The following NCOA1 variants were observed in gnomAD, a reference collection of about 807,000 sequenced individuals.
NCOA1 encodes nuclear receptor coactivator 1.
Under a neutral mutation model 150.9 loss-of-function variants are expected in NCOA1, and 35 were observed. The observed-to-expected ratio is 0.23, with a 90% CI of 0.18 to 0.31. The LOEUF is 0.31. Among genes scored for constraint, NCOA1 ranks in the 10% least tolerant of loss-of-function variants. NCOA1 has a pLI of 1.00. For missense variants in NCOA1, 1,491 were observed against 1,749.3 expected (o/e 0.85, Z 2.63); for synonymous variants, 590 against 630.0 (o/e 0.94, Z 0.95).
At chr2:24,746,223 T>C (rs1172838819) in intron 19 of NCOA1, among the ~76,000 whole-genome samples, 4 of 152,204 alleles carry the variant, frequency 2.6e-5, no homozygotes, top group South Asian at 4.1e-4. Context: ...ATGCTAGTTA[T>C]GGTTGGTCTA....
intron 1 of NCOA1, among the ~76,000 whole-genome samples, chr2:24,536,735 G>C (rs1483740293): frequency 1.3e-5 from 2 of 152,196 alleles, no homozygotes; most frequent in South Asian, 4.1e-4. Context: ...GTTGGAGTTT[G>C]CTGGAGGTCC....
chr2:24,536,398 T>G (rs1348886745), intron 1 of NCOA1, among the ~76,000 whole-genome samples: 1 of 152,214 alleles, frequency 6.6e-6, no homozygotes, highest in Non-Finnish European at 1.5e-5. Flanking sequence ...GGTTAGAACA[T>G]GCTCCTTTAG....
intron 1 of NCOA1, among the ~76,000 whole-genome samples, chr2:24,521,720 G>A (rs1664425086): frequency 6.6e-6 from 1 of 152,070 alleles, no homozygotes; most frequent in African/African-American, 2.4e-5. Flanking sequence ...TTAATATACT[G>A]ACTTCATTTC....
At chr2:24,565,864 A>T (rs995899250) in intron 2 of NCOA1, among the ~76,000 whole-genome samples, 2 of 152,092 alleles carry the variant, frequency 1.3e-5, no homozygotes, top group Non-Finnish European at 2.9e-5. Context: ...TAGGTGTATC[A>T]CAAGCAGCTT....
chr2:24,663,664 A>AT (rs937478575), intron 5 of NCOA1, among the ~76,000 whole-genome samples: 1 of 152,070 alleles, frequency 6.6e-6, no homozygotes, highest in Non-Finnish European at 1.5e-5. Context: ...TTAAGGTAGA[A>AT]TTTTTTTGCC....
At chr2:24,648,039 G>A (rs1296534316) in intron 4 of NCOA1, among the ~76,000 whole-genome samples, 1 of 152,160 alleles carries the variant, frequency 6.6e-6, no homozygotes, top group African/African-American at 2.4e-5. Flanking sequence ...TTAGCTGGTC[G>A]TTGCAGCAGA....
At chr2:24,529,021 G>A (rs1007046194) in intron 1 of NCOA1, among the ~76,000 whole-genome samples, 1 of 152,056 alleles carries the variant, frequency 6.6e-6, no homozygotes, top group East Asian at 1.9e-4. Context: ...CAGGTAGCTG[G>A]GACTACAGGC....
At chr2:24,629,842 A>G (rs1235419518) in intron 3 of NCOA1, among the ~76,000 whole-genome samples, 89 of 136,818 alleles carry the variant, frequency 6.5e-4, no homozygotes, top group African/African-American at 2.4e-3. Flanking sequence ...ATATATATAT[A>G]TATATGTATT....
At chr2:24,582,923 T>C (rs1667257735) in intron 2 of NCOA1, among the ~76,000 whole-genome samples, 2 of 152,186 alleles carry the variant, frequency 1.3e-5, no homozygotes, top group Non-Finnish European at 2.9e-5. Context: ...TAGACCCTCA[T>C]CTCTCATCGT....
At chr2:24,760,306 A>ATTTTTTTTTTTTTTTTTTTTTT (rs70947842) in intron 21 of NCOA1, among the ~76,000 whole-genome samples, 1 of 99,740 alleles carries the variant, frequency 1.0e-5, no homozygotes, top group Admixed American at 1.3e-4. Flanking sequence ...TGCCCGGCTA[A>ATTTTTTTTTTTTTTTTTTTTTT]TTTTTTTTTT....
At chr2:24,548,902 C>T (rs1175633316) in intron 1 of NCOA1, among the ~76,000 whole-genome samples, 1 of 152,148 alleles carries the variant, frequency 6.6e-6, no homozygotes, top group Non-Finnish European at 1.5e-5. Flanking sequence ...GTGCCTGCAA[C>T]TTTTCCAGGT....
intron 3 of NCOA1, among the ~76,000 whole-genome samples, chr2:24,628,891 G>A (rs1669549212): frequency 1.3e-5 from 2 of 152,062 alleles, no homozygotes; most frequent in Admixed American, 1.3e-4. Context: ...TGTGAGTTTT[G>A]GATTTTATCA....
At chr2:24,555,985 T>C (rs1236299616) in intron 1 of NCOA1, 1 of 152,210 alleles carries the variant, frequency 6.6e-6, no homozygotes, top group African/African-American at 2.4e-5. Flanking sequence ...GCCTTTTTTG[T>C]TTATTTTTTC....
intron 1 of NCOA1, among the ~76,000 whole-genome samples, chr2:24,495,571 T>G (rs1663171274): frequency 6.6e-6 from 1 of 152,132 alleles, no homozygotes; most frequent in South Asian, 2.1e-4. Context: ...CAGGCCAGAC[T>G]CATAAAAATA....
chr2:24,741,892 C>G lies in NCOA1; in HGVS notation c.3412C>G (p.Gln1138Glu). 5.6e-6 allele frequency: 9 copies of G among 1,614,222 alleles called. No individual in the cohort carries two copies. Among genetic ancestry groups the G allele is most frequent in the Non-Finnish European group, 7.6e-6 (9 of 1,180,040 alleles). The change falls in exon 19 of 23, where the codon CAA becomes GAA. Residue 1138 changes from glutamine (Q) to glutamate (E), a missense_variant. By Grantham distance (29) the Gln-to-Glu change is conservative. Coordinates refer to ENST00000348332, the MANE Select transcript of NCOA1 (RefSeq NM_003743.5). ...QQQRAMLMRQ[Q>E]SFGNNLPPSS... Reference sequence around the variant, plus strand: ...GCAAAGAGCCATGCTTATGAGGCAGCAAAGCTTTGGGAACAACCTCCCTCC... The same window carrying G: ...GCAAAGAGCCATGCTTATGAGGCAGGAAAGCTTTGGGAACAACCTCCCTCC...
intron 1 of NCOA1, among the ~76,000 whole-genome samples, chr2:24,514,452 TTAAAA>T (rs1456744838): frequency 1.3e-5 from 2 of 151,954 alleles, no homozygotes; most frequent in Non-Finnish European, 2.9e-5. Flanking sequence ...CAATTGTGAC[TTAAAA>T]TAAATATTAT....
At chr2:24,616,913 C>T (rs376417957) in intron 3 of NCOA1, among the ~76,000 whole-genome samples, 1 of 152,078 alleles carries the variant, frequency 6.6e-6, no homozygotes, top group African/African-American at 2.4e-5. Flanking sequence ...ATTCTGAAAG[C>T]GATACTTTGG....
At chr2:24,603,546 AC>A (rs767421559) in intron 3 of NCOA1, among the ~76,000 whole-genome samples, 2 of 152,222 alleles carry the variant, frequency 1.3e-5, no homozygotes, top group African/African-American at 2.4e-5. Context: ...TTGTCATTTC[AC>A]CAATGTTCAC....
intron 6 of NCOA1, among the ~76,000 whole-genome samples, chr2:24,669,009 TG>T (rs1361840772): frequency 3.9e-5 from 6 of 152,170 alleles, no homozygotes; most frequent in Non-Finnish European, 8.8e-5. Flanking sequence ...TATTAAATAT[TG>T]GTTACGCAAA....
Sources: gnomAD v4.1 joint callset for allele counts (sites outside exome capture counted in the v4.1 genomes callset) on GRCh38, gnomAD v4.1.1 for gene constraint, MANE v1.5 for transcripts, NCBI Gene and HGNC (gene_info 2026-07-23, HGNC 2026-07-21) for gene names.